ZNF354A: variants seen among roughly 807,000 people sequenced by gnomAD.
ZNF354A encodes the protein epididymis luminal protein 104.
In ZNF354A, 25 loss-of-function variants were observed where a neutral mutation model predicts 53.3. The observed-to-expected ratio is 0.47, with a 90% CI of 0.34 to 0.66. ZNF354A has a LOEUF of 0.66. ZNF354A is among the 30% of genes least tolerant of loss of function. The pLI, the probability that ZNF354A is intolerant of heterozygous loss-of-function variation, is 0.01. For synonymous variants in ZNF354A, 228 were observed against 249.0 expected (o/e 0.92, Z 0.79); for missense variants, 586 against 716.8 (o/e 0.82, Z 2.08).
chr5:178,730,559 C>T lies in ZNF354A; in HGVS notation c.-55G>A, dbSNP rs1766015914. 1 of 151,996 alleles carries T rather than the reference C, an allele frequency of 6.6e-6. No individual in the cohort carries two copies. The highest frequency in any genetic ancestry group is 1.5e-5 in the Non-Finnish European group (1 of 68,004). The allele number at this position is 151,996 out of a possible 1,614,324, so 9.4% of individuals were successfully genotyped here. On this transcript the variant is annotated 5_prime_UTR_variant, in exon 1 of 5. Transcript: ENST00000335815. ...TTGGCCTGCCGCCGACGCTCACCTC[C>T]CTAAGCTCGAGCGTCCCGGGCCGCG...
At position 178,712,126 on chromosome 5, in the gene ZNF354A, C is replaced by T. The variant is rs1300016960; in HGVS notation, c.1752G>A (p.Gly584=). The T allele has an allele frequency of 6.2e-7, 1 of 1,613,344 alleles. No individual in the cohort carries two copies. Among genetic ancestry groups the T allele is most frequent in the East Asian group, 2.2e-5 (1 of 44,870 alleles). The change falls in exon 5 of 5, where the codon GGG becomes GGA. Residue 584 remains glycine (G), a synonymous_variant. Coordinates refer to ENST00000335815, the MANE Select transcript of ZNF354A (RefSeq NM_005649.3). The part of the protein sequence containing the change: ...GEKPYECNTC[G]KLFNHRSSLT... The stretch of plus-strand genomic sequence containing the variant: ...GGGATGACCTATGGTTGAAAAGTTT[C>T]CCACATGTATTACATTCATAGGGTT...
chr5:178,715,395 T>C (rs1268794672), intron 4 of ZNF354A, among the ~76,000 whole-genome samples: 1 of 152,202 alleles, frequency 6.6e-6, no homozygotes, highest in African/African-American at 2.4e-5. Context: ...CCTAGGGTTT[T>C]GGATTTTTTT....
chr5:178,716,846 A>C (rs1311137384), intron 4 of ZNF354A, among the ~76,000 whole-genome samples: 1 of 152,130 alleles, frequency 6.6e-6, no homozygotes, highest in Non-Finnish European at 1.5e-5. Context: ...TGGGAGGCCG[A>C]GGTGGGTGCA....
rs1319580020 is a variant in ZNF354A, at chr5:178,714,785, T to G, written c.257-1164A>C. Among the ~76,000 whole-genome samples the G allele has an allele frequency of 2.0e-5, 3 of 152,174 alleles. No individual in the cohort carries two copies. The East Asian group carries it at 5.8e-4, about 29-fold the overall frequency. On this transcript the variant is annotated intron_variant, in intron 4 of 4. Transcript: ENST00000335815. ...CTTCATATATATACAAATATGCACA[T>G]GTGTTATACATACATACACATACAC...
chr5:178,716,191 C>T (rs968673934), intron 4 of ZNF354A, among the ~76,000 whole-genome samples: 1 of 152,128 alleles, frequency 6.6e-6, no homozygotes. Context: ...CCATCATGCC[C>T]GGCCAATCTT....
chr5:178,728,878 C>G, intron 2 of ZNF354A, 112 bp downstream of exon 2: 1 of 1,327,978 alleles, frequency 7.5e-7, no homozygotes, highest in South Asian at 1.3e-5. Flanking sequence ...GGACCAGCTC[C>G]TCCAAGAGAA....
chr5:178,721,214 T>TA (rs1472371027), intron 4 of ZNF354A, among the ~76,000 whole-genome samples: 1 of 152,188 alleles, frequency 6.6e-6, no homozygotes, highest in Non-Finnish European at 1.5e-5. Flanking sequence ...TGTTCTGAGA[T>TA]ACGCGTTGTT....
At chr5:178,720,734 C>T (rs923156320) in intron 4 of ZNF354A, among the ~76,000 whole-genome samples, 3 of 152,202 alleles carry the variant, frequency 2.0e-5, no homozygotes, top group South Asian at 2.1e-4. Context: ...CCTTTCATCT[C>T]GTCCACTAGG....
chr5:178,716,307 G>A (rs983069804), intron 4 of ZNF354A, among the ~76,000 whole-genome samples: 5 of 152,124 alleles, frequency 3.3e-5, no homozygotes, highest in Admixed American at 6.5e-5. Flanking sequence ...ACTCTTAGGC[G>A]TCCTTAACAT....
At chr5:178,729,599 G>A (rs1211011601) in intron 1 of ZNF354A, among the ~76,000 whole-genome samples, 2 of 151,530 alleles carry the variant, frequency 1.3e-5, no homozygotes, top group Non-Finnish European at 2.9e-5. Flanking sequence ...TGGCCAGACT[G>A]GAGTGCAGTA....
chr5:178,723,696 G>C (rs1468522463), intron 4 of ZNF354A, among the ~76,000 whole-genome samples: 1 of 151,854 alleles, frequency 6.6e-6, no homozygotes, highest in Admixed American at 6.6e-5. Flanking sequence ...TCCCCCACTA[G>C]ATCGTGCACT....
intron 4 of ZNF354A, among the ~76,000 whole-genome samples, chr5:178,721,086 CCT>C (rs1012509962): frequency 4.9e-4 from 75 of 152,164 alleles, no homozygotes; most frequent in East Asian, 1.5e-3. Flanking sequence ...AGATTCTACC[CCT>C]GTTCCATCCT....
At position 178,712,604 on chromosome 5, in the gene ZNF354A, A is replaced by T. The variant is rs1459194506; in HGVS notation, c.1274T>A (p.Leu425His). Residue 425 changes from leucine (L) to histidine (H), a missense_variant, in exon 5 of 5, where the codon CTT (leucine) becomes CAT (histidine). By Grantham distance (99) the Leu-to-His change is moderately conservative. Around this residue, in one of 2 missense-constraint regions of ZNF354A, gnomAD observed 573 missense variants for 680.1 expected, o/e 0.84. Transcript: ENST00000335815. ...CGKGFTSISRLNRHRIIHTGE... is the reference protein window; with the variant it reads ...CGKGFTSISRHNRHRIIHTGE... The stretch of plus-strand genomic sequence containing the variant: ...AGTATGAATGATTCGGTGTCTATTA[A>T]GTCGTGAAATAGAAGTAAAGCCTTT... 3 of 1,614,198 alleles carry T rather than the reference A, an allele frequency of 1.9e-6. No individual in the cohort carries two copies. Among genetic ancestry groups the T allele is most frequent in the Non-Finnish European group, 2.5e-6 (3 of 1,180,036 alleles).
intron 4 of ZNF354A, among the ~76,000 whole-genome samples, chr5:178,719,076 C>A (rs1308699742): frequency 6.6e-6 from 1 of 152,174 alleles, no homozygotes; most frequent in Non-Finnish European, 1.5e-5. Context: ...CTGTTTCTTG[C>A]CTTTCCAGTA....
intron 4 of ZNF354A, 37 bp from the exon 5 acceptor site, chr5:178,713,658 A>G (rs1462258073): frequency 6.6e-6 from 10 of 1,510,268 alleles, no homozygotes; most frequent in East Asian, 2.3e-5. Context: ...GTTTCATGTG[A>G]TATCATAGCA....
intron 3 of ZNF354A, 136 bp from the exon 4 acceptor site, chr5:178,725,607 AG>A: frequency 1.2e-6 from 1 of 838,468 alleles, no homozygotes; most frequent in Non-Finnish European, 1.9e-6. Context: ...TGCCCCTGGG[AG>A]GTAAGGGGGT....
chr5:178,715,055 T>C (rs748783027), intron 4 of ZNF354A, among the ~76,000 whole-genome samples: 22 of 152,096 alleles, frequency 1.4e-4, no homozygotes, highest in Non-Finnish European at 2.6e-4. Flanking sequence ...ATATATAAGA[T>C]AAAGCATGGT....
chr5:178,723,900 C>T (rs865945939), intron 4 of ZNF354A, among the ~76,000 whole-genome samples: 12,221 of 136,556 alleles, frequency 0.089, no homozygotes, highest in African/African-American at 0.16. Flanking sequence ...TGCTTAAGCA[C>T]CTCGCAAATG....
chr5:178,729,881 T>TTTTTTTTTTTTTTTTTTG, intron 1 of ZNF354A, among the ~76,000 whole-genome samples: 2 of 146,982 alleles, frequency 1.4e-5, no homozygotes, highest in African/African-American at 2.5e-5. Flanking sequence ...TGTTTCTTTT[T>TTTTTTTTTTTTTTTTTTG]TGAGACGGAG....
Sources: allele counts gnomAD v4.1 joint callset (sites outside exome capture counted in the v4.1 genomes callset), GRCh38; gene constraint gnomAD v4.1.1; regional missense constraint gnomAD v4.1.1; transcripts MANE v1.5; gene names NCBI Gene and HGNC (gene_info 2026-07-23, HGNC 2026-07-21).